Variants in CSMD1 observed in about 807,000 individuals in gnomAD.
CSMD1 encodes the protein CUB and sushi domain-containing protein 1.
In CSMD1, 213 loss-of-function variants were observed where a neutral mutation model predicts 417.5. The observed-to-expected ratio is 0.51, with a 90% confidence interval of 0.46 to 0.57. CSMD1 has a LOEUF of 0.57. CSMD1 is among the 20% of genes least tolerant of loss of function. The pLI is 0.00. For missense variants in CSMD1, 6,923 were observed against 4,529.7 expected, an observed-to-expected ratio of 1.53 and a Z score of -15.17; for synonymous variants, 2,862 against 1,736.8, an observed-to-expected ratio of 1.65 and a Z score of -16.11.
At position 4,355,460 on chromosome 8, in the gene CSMD1, T is replaced by G. The variant is rs148093437; in HGVS notation, c.415+64493A>C. ...GTGTTTGCATGTAGGAAAGCATAAATAGCTCAAACTCATTTTTATTAAAAG... is the reference window on the plus strand; with the variant it reads ...GTGTTTGCATGTAGGAAAGCATAAAGAGCTCAAACTCATTTTTATTAAAAG... On this transcript the variant is annotated intron_variant, in intron 3 of 69. Transcript: ENST00000635120. Among the ~76,000 whole-genome samples, 1,117 of 152,162 alleles carry G rather than the reference T, an allele frequency of 7.3e-3. 8 individuals carry two copies. The highest frequency in any genetic ancestry group is 0.026 in the African/African-American group (1,060 of 41,502).
rs75542243 is a variant in CSMD1 at position 3,219,247 on chromosome 8, C to A, written c.4672+8G>T. On this transcript the variant is annotated splice_region_variant and intron_variant, in intron 29 of 69. Transcript: ENST00000635120. The stretch of plus-strand genomic sequence containing the variant: ...TAATTCCCACTCAAATTCAGGCAAT[C>A]GCAATACCTTTAAATTCAATGGCGA... 9 of 1,579,296 alleles carry A rather than the reference C, an allele frequency of 5.7e-6. No individual in the cohort carries two copies. The highest frequency in any genetic ancestry group is 1.3e-5 in the African/African-American group (1 of 74,194).
intron 20 of CSMD1, among the ~76,000 whole-genome samples, chr8:3,360,650 G>A (rs1052530401): frequency 2.0e-5 from 3 of 152,136 alleles, no homozygotes; most frequent in African/African-American, 7.2e-5. Context: ...CAAAGAATTG[G>A]GACAATGAAG....
At chr8:4,802,272 C>G (rs1458139512) in intron 1 of CSMD1, among the ~76,000 whole-genome samples, 1 of 152,076 alleles carries the variant, frequency 6.6e-6, no homozygotes, top group Admixed American at 6.6e-5. Context: ...CCTGCCTCAG[C>G]CAAGGCTTCG....
At chr8:4,812,611 A>G (rs1280999888) in intron 1 of CSMD1, among the ~76,000 whole-genome samples, 1 of 152,278 alleles carries the variant, frequency 6.6e-6, no homozygotes, top group Non-Finnish European at 1.5e-5. Flanking sequence ...TTTTAAAAAA[A>G]CCTACATACA....
rs562525686 is a variant in CSMD1 at position 4,473,565 on chromosome 8, A to G, written c.303-53500T>C. 9.3e-4 allele frequency among the ~76,000 whole-genome samples: 141 copies of G among 152,244 alleles called. 1 individual carries two copies. Among genetic ancestry groups the G allele is most frequent in the African/African-American group, 3.2e-3 (135 of 41,540 alleles). ...TTTTCTTGTACTTCTGCCTCTCCAT[A>G]TCAATAGTAGTTATGCACAAATACG... On this transcript the variant is annotated intron_variant, in intron 2 of 69. Transcript: ENST00000635120.
chr8:4,140,826 T>C (rs993826315), intron 3 of CSMD1, among the ~76,000 whole-genome samples: 2 of 150,934 alleles, frequency 1.3e-5, no homozygotes, highest in African/African-American at 5.0e-5. Flanking sequence ...CTCAGCACCC[T>C]CACTCCAGGT....
chr8:3,657,614 A>G (rs773489581), intron 7 of CSMD1, among the ~76,000 whole-genome samples: 1 of 152,156 alleles, frequency 6.6e-6, no homozygotes, highest in Non-Finnish European at 1.5e-5. Context: ...CAAACACTGC[A>G]TATTCTCACT....
chr8:4,681,304 G>C (rs1806038066), intron 1 of CSMD1, among the ~76,000 whole-genome samples: 1 of 152,086 alleles, frequency 6.6e-6, no homozygotes, highest in Non-Finnish European at 1.5e-5. Flanking sequence ...CGTTACATTT[G>C]AAAAGAGGTA....
chr8:4,944,723 GAAAT>G (rs1243357328), intron 1 of CSMD1, among the ~76,000 whole-genome samples: 3 of 152,022 alleles, frequency 2.0e-5, no homozygotes, highest in African/African-American at 7.2e-5. Flanking sequence ...CTGTCGAAAA[GAAAT>G]AAATCAATAA....
chr8:4,059,567 G>C (rs1164882204), intron 3 of CSMD1, among the ~76,000 whole-genome samples: 9 of 151,510 alleles, frequency 5.9e-5, no homozygotes, highest in African/African-American at 1.5e-4. Flanking sequence ...AAGAAAAAAA[G>C]AGAGAAGAAT....
chr8:4,121,084 T>G (rs1387621864), intron 3 of CSMD1, among the ~76,000 whole-genome samples: 3 of 151,816 alleles, frequency 2.0e-5, no homozygotes, highest in Non-Finnish European at 2.9e-5. Flanking sequence ...TGTCAAGGTA[T>G]TTTTATTTTA....
chr8:4,138,360 T>A (rs1366043476), intron 3 of CSMD1, among the ~76,000 whole-genome samples: 3 of 151,478 alleles, frequency 2.0e-5, no homozygotes, highest in Non-Finnish European at 4.4e-5. Context: ...GGGCAAGGAG[T>A]CAGTGTTCTG....
rs532226329 is a variant in CSMD1 at position 3,820,168 on chromosome 8, G to A, written c.819-66126C>T. On this transcript the variant is annotated intron_variant, in intron 5 of 69. Coordinates refer to ENST00000635120, the MANE Select transcript of CSMD1 (RefSeq NM_033225.6). ...GTTTAATTTGAATGCCTTGCACAAA[G>A]TGCTCTCCAAAGTGCTGGGTGCTAT... is the stretch of plus-strand genomic sequence containing the variant. 2.6e-5 allele frequency among the ~76,000 whole-genome samples: 4 copies of A among 152,264 alleles called. No homozygotes were observed. In the East Asian group the frequency reaches 7.8e-4, roughly 30 times the overall value.
intron 5 of CSMD1, among the ~76,000 whole-genome samples, chr8:3,913,661 G>C (rs1036370904): frequency 1.3e-5 from 2 of 152,188 alleles, no homozygotes; most frequent in Non-Finnish European, 2.9e-5. Context: ...ATTTGGGTCA[G>C]GGCCATCGAA....
intron 2 of CSMD1, among the ~76,000 whole-genome samples, chr8:4,467,891 G>A (rs1403860254): frequency 6.6e-6 from 1 of 152,172 alleles, no homozygotes; most frequent in Non-Finnish European, 1.5e-5. Flanking sequence ...CATCTAGTGG[G>A]TTGAACACTG....
intron 5 of CSMD1, among the ~76,000 whole-genome samples, chr8:3,887,695 G>A (rs538112741): frequency 1.7e-4 from 26 of 152,298 alleles, no homozygotes; most frequent in South Asian, 4.1e-4. Context: ...TTACACAGAG[G>A]TCACAGGTTT....
chr8:3,523,713 A>C (rs907316520), intron 10 of CSMD1, among the ~76,000 whole-genome samples: 8 of 151,766 alleles, frequency 5.3e-5, no homozygotes, highest in African/African-American at 1.9e-4. Context: ...GTGCATGCAC[A>C]CACATATGCA....
rs573336549 is a variant in CSMD1 at position 3,284,327 on chromosome 8, C to T, written c.3970G>A (p.Asp1324Asn). ...KTISLHFIVF[D>N]TEMAHDILKV... ...AGGATGTCGTGAGCCATCTCCGTGT[C>T]GAAAACAATGAAATGGAGGCTGCAA... Residue 1324 changes from aspartate (D) to asparagine (N), a missense_variant, in exon 26 of 70, where the codon GAC becomes AAC. Coordinates refer to ENST00000635120, the MANE Select transcript of CSMD1 (RefSeq NM_033225.6). 3.1e-6 allele frequency: 5 copies of T among 1,613,478 alleles called. No individual in the cohort carries two copies. Among genetic ancestry groups the T allele is most frequent in the Non-Finnish European group, 4.2e-6 (5 of 1,179,810 alleles).
At chr8:3,046,647 C>T (rs763006444) in intron 50 of CSMD1, among the ~76,000 whole-genome samples, 1 of 152,142 alleles carries the variant, frequency 6.6e-6, no homozygotes, top group Non-Finnish European at 1.5e-5. Context: ...GGCAGCGTTA[C>T]ACAATTGCTG....
Sources: gnomAD v4.1 joint callset for allele counts (sites outside exome capture counted in the v4.1 genomes callset) on GRCh38, gnomAD v4.1.1 for gene constraint, MANE v1.5 for transcripts, NCBI Gene and HGNC (gene_info 2026-07-23, HGNC 2026-07-21) for gene names.